The following DENND1A variants were observed in gnomAD, a reference collection of about 807,000 sequenced individuals.
The protein encoded by DENND1A is DENN domain containing 1A, also known as DENN domain-containing protein 1A.
Under a neutral mutation model 113.7 loss-of-function variants are expected in DENND1A, and 51 were observed. The observed-to-expected ratio is 0.45, with a 90% confidence interval of 0.36 to 0.57. DENND1A has a LOEUF of 0.57. Among genes scored for constraint, DENND1A ranks in the 20% least tolerant of loss-of-function variants. The pLI is 0.00. For synonymous variants in DENND1A, 565 were observed against 570.8 expected (o/e 0.99, Z 0.14); for missense variants, 1,258 against 1,395.9 (o/e 0.90, Z 1.57).
intron 1 of DENND1A, among the ~76,000 whole-genome samples, chr9:123,891,335 A>T (rs1017135713): frequency 2.6e-5 from 4 of 152,206 alleles, no homozygotes; most frequent in Middle Eastern, 6.3e-3. Flanking sequence ...TGCTCTTAAC[A>T]ACGTAACGTA....
chr9:123,859,149 T>G (rs1164506897), intron 2 of DENND1A, among the ~76,000 whole-genome samples: 5 of 152,300 alleles, frequency 3.3e-5, no homozygotes, highest in Non-Finnish European at 7.3e-5. Context: ...AGTATAAACC[T>G]GACATTTTCT....
chr9:123,557,457 C>T, intron 13 of DENND1A, 113 bp downstream of exon 13: 1 of 1,477,330 alleles, frequency 6.8e-7, no homozygotes, highest in Non-Finnish European at 9.1e-7. Context: ...CACACACAAG[C>T]TCTTCTAGAT....
intron 5 of DENND1A, among the ~76,000 whole-genome samples, chr9:123,707,857 T>C (rs2066330112): frequency 6.6e-6 from 1 of 152,144 alleles, no homozygotes. Context: ...GAGAAATAGC[T>C]ACATGCTTCC....
At chr9:123,623,534 A>G (rs936405548) in intron 10 of DENND1A, among the ~76,000 whole-genome samples, 1 of 152,080 alleles carries the variant, frequency 6.6e-6, no homozygotes, top group East Asian at 1.9e-4. Context: ...ACTATTGTCC[A>G]CTCCAAAAAT....
intron 5 of DENND1A, among the ~76,000 whole-genome samples, chr9:123,735,590 T>C (rs1446792495): frequency 6.6e-6 from 1 of 152,212 alleles, no homozygotes; most frequent in African/African-American, 2.4e-5. Context: ...ATTCTAGAAA[T>C]TGTCCTCTCA....
chr9:123,695,225 G>A (rs1268300647), intron 5 of DENND1A, among the ~76,000 whole-genome samples: 1 of 151,062 alleles, frequency 6.6e-6, no homozygotes, highest in Non-Finnish European at 1.5e-5. Context: ...TATATATATG[G>A]AGAAACAAAA....
At chr9:123,588,778 T>TG (rs1224315300) in intron 11 of DENND1A, among the ~76,000 whole-genome samples, 1 of 151,430 alleles carries the variant, frequency 6.6e-6, no homozygotes, top group African/African-American at 2.4e-5. Context: ...ATTTTGTTTT[T>TG]TTTTTTTGAG....
intron 5 of DENND1A, among the ~76,000 whole-genome samples, chr9:123,682,238 T>C (rs1456947077): frequency 6.6e-6 from 1 of 152,092 alleles, no homozygotes; most frequent in African/African-American, 2.4e-5. Context: ...TAAAAGTAAT[T>C]TGCAATAAAA....
chr9:123,530,666 T>C (rs192626178), intron 13 of DENND1A, among the ~76,000 whole-genome samples: 2 of 152,298 alleles, frequency 1.3e-5, no homozygotes, highest in East Asian at 3.9e-4. Context: ...GATTTGTACA[T>C]GTGAGTGTCC....
chr9:123,530,089 T>C (rs896897926), intron 13 of DENND1A, among the ~76,000 whole-genome samples: 1 of 152,090 alleles, frequency 6.6e-6, no homozygotes, highest in Non-Finnish European at 1.5e-5. Context: ...GCTAATAAAT[T>C]GGGAAATGCC....
intron 5 of DENND1A, among the ~76,000 whole-genome samples, chr9:123,738,829 T>C (rs888154929): frequency 2.6e-5 from 4 of 152,212 alleles, no homozygotes; most frequent in African/African-American, 9.6e-5. Flanking sequence ...AACTTTCACC[T>C]TTGGCTAGAA....
chr9:123,881,243 C>A (rs1261478281), intron 1 of DENND1A, among the ~76,000 whole-genome samples: 1 of 152,064 alleles, frequency 6.6e-6, no homozygotes, highest in Non-Finnish European at 1.5e-5. Flanking sequence ...TTTTTCCCTG[C>A]AAGAGGGTAC....
At chr9:123,672,901 C>T (rs908543129) in intron 6 of DENND1A, among the ~76,000 whole-genome samples, 1 of 152,138 alleles carries the variant, frequency 6.6e-6, no homozygotes, top group Non-Finnish European at 1.5e-5. Context: ...GCAGAATTAC[C>T]ACCTTATCCT....
chr9:123,699,395 T>G (rs1402751198), intron 5 of DENND1A, among the ~76,000 whole-genome samples: 3 of 152,158 alleles, frequency 2.0e-5, no homozygotes, highest in Non-Finnish European at 4.4e-5. Flanking sequence ...ATCTGTATAT[T>G]ACATATATTA....
chr9:123,818,679 AT>A (rs550909005), intron 2 of DENND1A, among the ~76,000 whole-genome samples: 1 of 151,122 alleles, frequency 6.6e-6, no homozygotes, highest in African/African-American at 2.5e-5. Flanking sequence ...AATTTCATAT[AT>A]TTTTAATAAT....
chr9:123,751,367 A>G (rs937552488), intron 5 of DENND1A: 3 of 152,224 alleles, frequency 2.0e-5, no homozygotes, highest in Non-Finnish European at 4.4e-5. Flanking sequence ...CTAGCATGGA[A>G]GAAGGGATAA....
chr9:123,465,308 ATTT>A (rs60428558), intron 13 of DENND1A, among the ~76,000 whole-genome samples: 11 of 80,082 alleles, frequency 1.4e-4, no homozygotes, highest in Admixed American at 5.2e-4. Flanking sequence ...TTTGTCTTTG[ATTT>A]TTTTTTTTTT....
At chr9:123,658,421 T>C (rs568277895) in intron 8 of DENND1A, among the ~76,000 whole-genome samples, 2 of 152,336 alleles carry the variant, frequency 1.3e-5, no homozygotes, top group South Asian at 4.1e-4. Context: ...TATGCTCATT[T>C]AATTATTGCC....
chr9:123,863,920 GA>G (rs1206548370), intron 2 of DENND1A, among the ~76,000 whole-genome samples: 3 of 150,200 alleles, frequency 2.0e-5, no homozygotes, highest in African/African-American at 4.9e-5. Context: ...AAATATATGA[GA>G]TTTTTTTTTT....
Sources: allele counts gnomAD v4.1 joint callset (sites outside exome capture counted in the v4.1 genomes callset), GRCh38; gene constraint gnomAD v4.1.1; transcripts MANE v1.5; gene names NCBI Gene and HGNC (gene_info 2026-07-23, HGNC 2026-07-21).